The following WWOX variants were observed in gnomAD, a reference collection of about 807,000 sequenced individuals.
The protein encoded by WWOX is WW domain containing oxidoreductase.
A neutral mutation model predicts 46.2 loss-of-function variants in WWOX; 69 were observed. That is an observed-to-expected ratio of 1.49 (90% CI 1.23 to 1.82). The LOEUF is 1.82. Among genes scored for constraint, WWOX ranks in the 40% most tolerant of loss-of-function variants. WWOX has a pLI of 0.00. For missense variants in WWOX, 919 were observed against 542.6 expected, an observed-to-expected ratio of 1.69 and a Z score of -6.89; for synonymous variants, 359 against 202.6, an observed-to-expected ratio of 1.77 and a Z score of -6.56.
intron 6 of WWOX, among the ~76,000 whole-genome samples, chr16:78,398,207 T>A (rs1319504373): frequency 1.3e-5 from 2 of 152,208 alleles, no homozygotes; most frequent in Non-Finnish European, 2.9e-5. Flanking sequence ...TCCTGCTATC[T>A]GACCTGCAAA....
At chr16:78,394,295 C>T (rs1454366565) in intron 6 of WWOX, among the ~76,000 whole-genome samples, 1 of 152,122 alleles carries the variant, frequency 6.6e-6, no homozygotes, top group African/African-American at 2.4e-5. Flanking sequence ...AAAACAGAGG[C>T]AGTTTTTTGC....
chr16:79,049,890 C>T (rs994556752), intron 8 of WWOX, among the ~76,000 whole-genome samples: 9 of 150,560 alleles, frequency 6.0e-5, no homozygotes, highest in African/African-American at 2.2e-4. Flanking sequence ...GTGAGCAGTA[C>T]CCAGCCATGC....
intron 8 of WWOX, among the ~76,000 whole-genome samples, chr16:78,596,631 T>G (rs138793171): frequency 1.3e-5 from 2 of 152,284 alleles, no homozygotes; most frequent in Non-Finnish European, 2.9e-5. Context: ...CATGCTGATT[T>G]CAAGGTCCAT....
At chr16:78,843,107 C>T (rs1194481672) in intron 8 of WWOX, among the ~76,000 whole-genome samples, 3 of 149,352 alleles carry the variant, frequency 2.0e-5, no homozygotes, top group African/African-American at 7.3e-5. Flanking sequence ...TTTTTTTTGG[C>T]ACCATAGAAA....
chr16:78,920,053 G>C (rs1034350677), intron 8 of WWOX, among the ~76,000 whole-genome samples: 2 of 152,094 alleles, frequency 1.3e-5, no homozygotes, highest in African/African-American at 4.8e-5. Flanking sequence ...GTTTGCCGCA[G>C]TAACAAACGA....
At chr16:78,100,051 C>G (rs541774081) in intron 1 of WWOX, 166 bp downstream of exon 1, 7 of 1,413,228 alleles carry the variant, frequency 5.0e-6, no homozygotes, top group Non-Finnish European at 6.5e-6. Flanking sequence ...CAGTAGGGGC[C>G]GGCCCCCTTG....
intron 8 of WWOX, among the ~76,000 whole-genome samples, chr16:78,832,016 T>A (rs1227522562): frequency 3.3e-5 from 5 of 152,232 alleles, no homozygotes; most frequent in South Asian, 2.1e-4. Context: ...GCAACAGTTA[T>A]CCATTGCTGC....
At chr16:78,456,693 A>G (rs2083825692) in intron 8 of WWOX, among the ~76,000 whole-genome samples, 1 of 152,224 alleles carries the variant, frequency 6.6e-6, no homozygotes, top group African/African-American at 2.4e-5. Flanking sequence ...TTAACAAAGG[A>G]TGTAAGACAG....
At chr16:78,874,706 T>G (rs987212090) in intron 8 of WWOX, among the ~76,000 whole-genome samples, 12 of 148,364 alleles carry the variant, frequency 8.1e-5, no homozygotes, top group African/African-American at 3.0e-4. Flanking sequence ...TTTTTTTTTT[T>G]TGGCTGACTG....
intron 8 of WWOX, among the ~76,000 whole-genome samples, chr16:79,176,542 T>A (rs2050804060): frequency 6.6e-6 from 1 of 152,238 alleles, no homozygotes; most frequent in Non-Finnish European, 1.5e-5. Context: ...GTCTCTGGTA[T>A]AAACTTGAGT....
intron 8 of WWOX, among the ~76,000 whole-genome samples, chr16:79,092,069 C>G (rs2150604133): frequency 6.6e-6 from 1 of 152,214 alleles, no homozygotes; most frequent in Admixed American, 6.5e-5. Flanking sequence ...GTGTGAGCCA[C>G]CGCACCGGGC....
intron 8 of WWOX, among the ~76,000 whole-genome samples, chr16:78,805,340 A>G (rs1487510739): frequency 6.6e-6 from 1 of 152,056 alleles, no homozygotes; most frequent in Non-Finnish European, 1.5e-5. Flanking sequence ...GGCTCACTGC[A>G]AGCTCCGCCT....
intron 8 of WWOX, among the ~76,000 whole-genome samples, chr16:78,799,993 A>G (rs2050844302): frequency 6.6e-6 from 1 of 152,068 alleles, no homozygotes; most frequent in Admixed American, 6.5e-5. Flanking sequence ...GTTCCGATGA[A>G]CTCTTTTTTC....
intron 8 of WWOX, among the ~76,000 whole-genome samples, chr16:78,801,431 C>A (rs192056897): frequency 6.6e-6 from 1 of 152,148 alleles, no homozygotes; most frequent in African/African-American, 2.4e-5. Context: ...GTCACTTGAA[C>A]CCAGGAGGTA....
At chr16:79,074,605 AGCT>A (rs2048619742) in intron 8 of WWOX, among the ~76,000 whole-genome samples, 1 of 151,602 alleles carries the variant, frequency 6.6e-6, no homozygotes, top group African/African-American at 2.4e-5. Flanking sequence ...TCCCTTTATA[AGCT>A]AGGAATACTA....
chr16:79,109,355 C>A (rs539750807), intron 8 of WWOX, among the ~76,000 whole-genome samples: 2 of 152,130 alleles, frequency 1.3e-5, no homozygotes, highest in African/African-American at 4.8e-5. Flanking sequence ...AAGACTACCT[C>A]CACTAGCTAA....
chr16:78,821,623 A>G (rs1421928222), intron 8 of WWOX, among the ~76,000 whole-genome samples: 2 of 152,146 alleles, frequency 1.3e-5, no homozygotes, highest in Non-Finnish European at 2.9e-5. Context: ...AATGTTTATA[A>G]CTTTTAAAGT....
chr16:78,614,176 T>G (rs1045074114), intron 8 of WWOX, among the ~76,000 whole-genome samples: 2 of 152,348 alleles, frequency 1.3e-5, no homozygotes, highest in African/African-American at 4.8e-5. Context: ...ACAACTTCTG[T>G]CAGCTGTAGA....
At chr16:78,330,503 TCTC>T (rs1457652816) in intron 5 of WWOX, among the ~76,000 whole-genome samples, 2 of 152,130 alleles carry the variant, frequency 1.3e-5, no homozygotes, top group African/African-American at 4.8e-5. Flanking sequence ...TTCAAGCAAT[TCTC>T]CTGCCTCAGC....
Sources: gnomAD v4.1 joint callset for allele counts (sites outside exome capture counted in the v4.1 genomes callset) on GRCh38, gnomAD v4.1.1 for gene constraint, MANE v1.5 for transcripts, NCBI Gene and HGNC (gene_info 2026-07-23, HGNC 2026-07-21) for gene names.